Variants in OXSR1 observed in about 807,000 individuals in gnomAD.
OXSR1 encodes oxidative stress responsive kinase 1.
Under a neutral mutation model 79.8 loss-of-function variants are expected in OXSR1, and 24 were observed. The observed-to-expected ratio is 0.30, with a 90% CI of 0.22 to 0.42. The LOEUF is 0.42. OXSR1 is among the 10% of genes least tolerant of loss of function. The probability of loss-of-function intolerance (pLI) is 1.00; values close to 1 mark genes in which losing one functional copy is unlikely to be tolerated. For missense variants in OXSR1, 430 were observed against 618.4 expected (o/e 0.70, Z 3.23); for synonymous variants, 226 against 209.2 (o/e 1.08, Z -0.69).
At chr3:38,181,465 C>T (rs1315163571) in intron 1 of OXSR1, among the ~76,000 whole-genome samples, 5 of 150,888 alleles carry the variant, frequency 3.3e-5, no homozygotes, top group Non-Finnish European at 5.9e-5. Flanking sequence ...AAGTCATTCT[C>T]GTGCCTCAGC....
rs35273977 is a variant in OXSR1 at position 38,190,704 on chromosome 3, AATT to A, written c.184-21_184-19del. ...ATTTGTTTTAGGCTTGCATATAATG[AATT>A]ATTATGTTTTCTCTTCTTTGTAGAA... is the stretch of plus-strand genomic sequence containing the variant. On this transcript the variant is annotated intron_variant, in intron 2 of 17. Transcript: ENST00000311806. 6.0e-4 allele frequency: 751 copies of A among 1,260,884 alleles called. 3 individuals are homozygous for A. The African/African-American group carries it at 9.7e-3, about 16-fold the overall frequency. 78.1% of individuals were successfully genotyped at this position (1,260,884 alleles called of 1,614,324 possible). A position where few individuals can be genotyped will look rare whatever the true frequency, so the allele number is the denominator to read the frequency against.
intron 6 of OXSR1, among the ~76,000 whole-genome samples, chr3:38,222,572 A>AATTTTAGG (rs1702610982): frequency 6.6e-6 from 1 of 152,090 alleles, no homozygotes; most frequent in Non-Finnish European, 1.5e-5. Context: ...ATTGATCCTT[A>AATTTTAGG]ATTTTAGGTC....
intron 7 of OXSR1, 108 bp from the exon 8 acceptor site, chr3:38,224,463 A>C: frequency 1.3e-6 from 1 of 778,126 alleles, no homozygotes. Flanking sequence ...ACAGAAAATA[A>C]AATGTTTGTA....
intron 3 of OXSR1, among the ~76,000 whole-genome samples, chr3:38,193,613 C>CT (rs35335075): frequency 0.053 from 7,016 of 131,522 alleles, 179 homozygotes; most frequent in Middle Eastern, 0.14. Flanking sequence ...AGCAGAACGA[C>CT]TTTTTTTTTT....
intron 1 of OXSR1, among the ~76,000 whole-genome samples, chr3:38,169,592 A>G (rs892253437): frequency 6.6e-6 from 1 of 150,616 alleles, no homozygotes; most frequent in African/African-American, 2.4e-5. Flanking sequence ...GGGGTGAGCC[A>G]CTGCGCCTGG....
intron 8 of OXSR1, among the ~76,000 whole-genome samples, chr3:38,227,820 C>T (rs577961129): frequency 6.6e-5 from 10 of 152,210 alleles, no homozygotes; most frequent in South Asian, 2.1e-4. Context: ...CAGGCAACCT[C>T]GGGGAACAGA....
intron 4 of OXSR1, among the ~76,000 whole-genome samples, chr3:38,205,028 G>T (rs1050678146): frequency 2.0e-5 from 3 of 152,206 alleles, no homozygotes; most frequent in Non-Finnish European, 4.4e-5. Context: ...GCTAGAGCTG[G>T]TCTAAGTGCT....
chr3:38,222,882 T>C (rs1702616834), intron 6 of OXSR1, among the ~76,000 whole-genome samples: 1 of 152,202 alleles, frequency 6.6e-6, no homozygotes, highest in Non-Finnish European at 1.5e-5. Context: ...GTATGAGCAA[T>C]TTTGTGTTTT....
At chr3:38,241,255 A>G (rs1703027217) in intron 11 of OXSR1, among the ~76,000 whole-genome samples, 1 of 152,156 alleles carries the variant, frequency 6.6e-6, no homozygotes, top group Non-Finnish European at 1.5e-5. Flanking sequence ...ATATAATAAT[A>G]AGGAAACATT....
chr3:38,235,850 A>G (rs34123934), intron 10 of OXSR1, among the ~76,000 whole-genome samples: 1 of 152,362 alleles, frequency 6.6e-6, no homozygotes, highest in African/African-American at 2.4e-5. Flanking sequence ...ACTTTAATAC[A>G]TGCTAATAGT....
intron 4 of OXSR1, among the ~76,000 whole-genome samples, chr3:38,212,548 T>C (rs1023610749): frequency 1.3e-5 from 2 of 152,236 alleles, no homozygotes; most frequent in South Asian, 4.1e-4. Flanking sequence ...TTGGTTTTGA[T>C]TCATTGCTTT....
intron 4 of OXSR1, among the ~76,000 whole-genome samples, chr3:38,212,869 A>G (rs957250417): frequency 1.3e-5 from 2 of 151,890 alleles, no homozygotes; most frequent in African/African-American, 4.9e-5. Context: ...TGATTTCCAG[A>G]TATTTAGTTA....
At position 38,252,312 on chromosome 3, in the gene OXSR1, G is replaced by T. The variant is rs1703274259; in HGVS notation, c.1445-16G>T. 9 of 1,574,252 alleles carry T rather than the reference G, an allele frequency of 5.7e-6. No homozygotes were observed. The East Asian group carries it at 2.0e-4, about 35-fold the overall frequency. On this transcript the variant is annotated splice_polypyrimidine_tract_variant and intron_variant, in intron 16 of 17. Coordinates refer to ENST00000311806, the MANE Select transcript of OXSR1 (RefSeq NM_005109.3). ...TAACTTCTCATTCATTACCTTCTCT[G>T]TTTGTATGATTACAGTGGCAGCTAA...
Position 38,196,463 on chromosome 3 carries a change from A to G in OXSR1, c.293-2259A>G, listed in dbSNP as rs34918749. Among the ~76,000 whole-genome samples the G allele has an allele frequency of 9.1e-3, 1,380 of 152,310 alleles. 12 individuals are homozygous for G. The highest frequency in any genetic ancestry group is 0.021 in the African/African-American group (865 of 41,566). On this transcript the variant is annotated intron_variant, in intron 3 of 17. Transcript: ENST00000311806. The stretch of plus-strand genomic sequence containing the variant: ...AGGTCTTAGTGACGATTAGTGTCTT[A>G]GTGACGATTCCTCCACCCATAAGAA...
At chr3:38,209,919 G>A (rs1468901821) in intron 4 of OXSR1, among the ~76,000 whole-genome samples, 6 of 152,170 alleles carry the variant, frequency 3.9e-5, no homozygotes, top group African/African-American at 1.4e-4. Flanking sequence ...ACCGTGCCCC[G>A]GCCAAGAAGT....
At chr3:38,181,887 GT>G (rs1251768105) in intron 1 of OXSR1, among the ~76,000 whole-genome samples, 1 of 147,210 alleles carries the variant, frequency 6.8e-6, no homozygotes, top group East Asian at 2.0e-4. Flanking sequence ...GACTTTTTTT[GT>G]TTTATTTTTC....
At chr3:38,236,749 T>C in intron 10 of OXSR1, 90 bp from the exon 11 acceptor site, 3 of 1,169,086 alleles carry the variant, frequency 2.6e-6, no homozygotes, top group South Asian at 3.3e-5. Context: ...ACTTAATGGA[T>C]TGAAGTGATA....
intron 1 of OXSR1, among the ~76,000 whole-genome samples, chr3:38,173,892 TA>T (rs1466063472): frequency 6.6e-6 from 1 of 152,150 alleles, no homozygotes; most frequent in Non-Finnish European, 1.5e-5. Context: ...TAGGGACTGC[TA>T]GGGGTGGAGG....
intron 4 of OXSR1, among the ~76,000 whole-genome samples, chr3:38,215,139 A>G (rs928579650): frequency 2.6e-5 from 4 of 152,196 alleles, no homozygotes; most frequent in African/African-American, 9.6e-5. Flanking sequence ...TGTTTGTGCA[A>G]CATTAATGGT....
Sources: gnomAD v4.1 joint callset for allele counts (sites outside exome capture counted in the v4.1 genomes callset) on GRCh38, gnomAD v4.1.1 for gene constraint, MANE v1.5 for transcripts, NCBI Gene and HGNC (gene_info 2026-07-23, HGNC 2026-07-21) for gene names.